Variants in CARD19 observed in about 807,000 individuals in gnomAD.
CARD19 encodes the protein caspase recruitment domain-containing protein 19.
In CARD19, 25 loss-of-function variants were observed where a neutral mutation model predicts 24.1. That is an observed-to-expected ratio of 1.04 (90% CI 0.76 to 1.45). The LOEUF is 1.45. CARD19 is among the 40% of genes most tolerant of loss of function. The probability of loss-of-function intolerance (pLI) is 0.00; values close to 1 mark genes in which losing one functional copy is unlikely to be tolerated. For synonymous variants in CARD19, 103 were observed against 104.9 expected (o/e 0.98, Z 0.11); for missense variants, 241 against 247.4 (o/e 0.97, Z 0.17).
At chr9:93,111,792 G>A (rs867067378) in intron 3 of CARD19, 87 bp from the exon 4 acceptor site, 92 of 1,559,240 alleles carry the variant, frequency 5.9e-5, no homozygotes, top group South Asian at 2.3e-4. Context: ...CCAGGAGGCA[G>A]CAGCAACCTT....
chr9:93,109,256 C>T (rs758599518), intron 2 of CARD19, among the ~76,000 whole-genome samples: 5 of 152,188 alleles, frequency 3.3e-5, no homozygotes, highest in African/African-American at 4.8e-5. Flanking sequence ...TCCTCACAGA[C>T]ACCACAGCTC....
In CARD19 at chr9:93,112,294, G is replaced by A. The variant is rs993477412; in HGVS notation, c.436+5G>A. 1.3e-6 allele frequency: 2 copies of A among 1,542,702 alleles called. No individual in the cohort carries two copies. Among genetic ancestry groups the A allele is most frequent in the Non-Finnish European group, 1.7e-6 (2 of 1,146,758 alleles). ...TCCTGTACTGCTATCCGCCAGGTGG[G>A]TGCAAGCGGATCCTCATGGGGCTGG... On this transcript the variant is annotated splice_donor_5th_base_variant and intron_variant, in intron 5 of 5. Transcript: ENST00000375464.
intron 2 of CARD19, among the ~76,000 whole-genome samples, chr9:93,108,746 CTGTCA>C (rs1827356168): frequency 6.6e-6 from 1 of 152,254 alleles, no homozygotes; most frequent in Non-Finnish European, 1.5e-5. Flanking sequence ...GGGCCAGTGG[CTGTCA>C]CTCTGTCACA....
At chr9:93,101,267 C>T (rs935845832) in intron 1 of CARD19, among the ~76,000 whole-genome samples, 4 of 151,964 alleles carry the variant, frequency 2.6e-5, no homozygotes, top group Non-Finnish European at 5.9e-5. Context: ...TTAGTAGAGA[C>T]GGGGCTTCGC....
At chr9:93,107,549 G>C (rs920461024) in intron 1 of CARD19, 125 bp from the exon 2 acceptor site, 1 of 1,094,844 alleles carries the variant, frequency 9.1e-7, no homozygotes. Context: ...GATTCTGCAG[G>C]TTCACCCTCC....
intron 3 of CARD19, chr9:93,111,156 G>C (rs1827470401): frequency 1.6e-6 from 2 of 1,214,662 alleles, no homozygotes; most frequent in South Asian, 1.5e-5. Flanking sequence ...TCATTGCAGC[G>C]ATCTGCACAC....
At chr9:93,099,176 G>A (rs1160141000) in intron 1 of CARD19, among the ~76,000 whole-genome samples, 2 of 152,048 alleles carry the variant, frequency 1.3e-5, no homozygotes, top group Admixed American at 6.5e-5. Context: ...CATCTGCCTC[G>A]GCCTCCCAAA....
chr9:93,097,618 A>G (rs1255324066), intron 1 of CARD19, among the ~76,000 whole-genome samples: 1 of 152,204 alleles, frequency 6.6e-6, no homozygotes, highest in Admixed American at 6.5e-5. Context: ...CGTGGGACAC[A>G]ACTCAGAGCT....
rs756005329 is a variant in CARD19, at chr9:93,107,750, G to A, written c.84G>A (p.Val28=). The part of the protein sequence containing the change: ...TGHGRLSEQQ[V]DRIILQLNRY... ...ATGGGCGCTTGAGTGAGCAGCAGGT[G>A]GACAGGATCATCCTCCAGCTGAACC... The change falls in exon 2 of 6, where the codon GTG becomes GTA. Residue 28 remains valine, a synonymous_variant. Transcript: ENST00000375464. 1.9e-6 allele frequency: 3 copies of A among 1,614,110 alleles called. No individual in the cohort carries two copies. Among genetic ancestry groups the A allele is most frequent in the Non-Finnish European group, 2.5e-6 (3 of 1,180,046 alleles).
intron 1 of CARD19, among the ~76,000 whole-genome samples, chr9:93,102,341 C>A (rs7857595): frequency 0.15 from 22,769 of 152,050 alleles, 2,310 homozygotes; most frequent in Non-Finnish European, 0.23. Context: ...TATTCAAGTT[C>A]TTTGCCTATT....
At chr9:93,111,582 C>T in intron 3 of CARD19, 1 of 1,265,448 alleles carries the variant, frequency 7.9e-7, no homozygotes, top group Non-Finnish European at 1.0e-6. Flanking sequence ...TCTCCCTCCC[C>T]AGCCACGAGT....
rs1159110991 is a variant in CARD19, at chr9:93,105,524, G to A, written c.8-2150G>A. On this transcript the variant is annotated intron_variant, in intron 1 of 5. Coordinates refer to ENST00000375464, the MANE Select transcript of CARD19 (RefSeq NM_032310.5). ...TCAAACTTCTGGCCTCAAGTGATCT[G>A]CCTGCCTTAGCTTCCCAAAGTGCTG... 2.6e-5 allele frequency among the ~76,000 whole-genome samples: 4 copies of A among 152,108 alleles called. 1 individual carries two copies. In the East Asian group the frequency reaches 7.7e-4, roughly 29 times the overall value.
chr9:93,107,955 A>C, intron 2 of CARD19, 139 bp downstream of exon 2: 4 of 1,158,838 alleles, frequency 3.5e-6, no homozygotes, highest in Non-Finnish European at 4.8e-6. Context: ...GAGGTGACAC[A>C]TCTGGACCTG....
intron 5 of CARD19, 87 bp downstream of exon 5, chr9:93,112,376 C>T (rs924906986): frequency 8.6e-7 from 1 of 1,167,190 alleles, no homozygotes; most frequent in Admixed American, 2.0e-5. Flanking sequence ...ATTTGGGACC[C>T]CTTGGCCTCT....
At chr9:93,105,312 G>C (rs1341030428) in intron 1 of CARD19, among the ~76,000 whole-genome samples, 2 of 151,962 alleles carry the variant, frequency 1.3e-5, no homozygotes, top group African/African-American at 4.8e-5. Context: ...ACAGAGTCTT[G>C]CTCTGTCACC....
chr9:93,100,307 GT>G (rs1349870625), intron 1 of CARD19, among the ~76,000 whole-genome samples: 1 of 152,190 alleles, frequency 6.6e-6, no homozygotes, highest in African/African-American at 2.4e-5. Context: ...CACTGTTTTT[GT>G]TTTTGTTTTT....
At chr9:93,099,831 C>T (rs1433938408) in intron 1 of CARD19, among the ~76,000 whole-genome samples, 1 of 152,238 alleles carries the variant, frequency 6.6e-6, no homozygotes, top group African/African-American at 2.4e-5. Flanking sequence ...TGCCTCCCTG[C>T]GCGGCCCACG....
intron 2 of CARD19, among the ~76,000 whole-genome samples, chr9:93,108,627 T>A (rs925870005): frequency 6.6e-6 from 1 of 152,158 alleles, no homozygotes; most frequent in Non-Finnish European, 1.5e-5. Context: ...TCACCCCATC[T>A]CACAGAGGTG....
chr9:93,112,764 C>G (rs1319398437), intron 5 of CARD19, among the ~76,000 whole-genome samples: 1 of 152,210 alleles, frequency 6.6e-6, no homozygotes, highest in South Asian at 2.1e-4. Context: ...GGTGAGGGGA[C>G]ACAGGCACAC....
Sources: gnomAD v4.1 joint callset for allele counts (sites outside exome capture counted in the v4.1 genomes callset) on GRCh38, gnomAD v4.1.1 for gene constraint, MANE v1.5 for transcripts, NCBI Gene and HGNC (gene_info 2026-07-23, HGNC 2026-07-21) for gene names.